MICAL1: variants seen among roughly 807,000 people sequenced by gnomAD.
MICAL1 encodes [F-actin]-monooxygenase MICAL1.
MICAL1 carries 95 observed loss-of-function variants against 131.8 expected under a neutral mutation model. The observed-to-expected ratio is 0.72, with a 90% CI of 0.61 to 0.86. MICAL1 has a LOEUF of 0.86. MICAL1 is among the 40% of genes least tolerant of loss of function. MICAL1 has a pLI of 0.00. For synonymous variants in MICAL1, 546 were observed against 554.2 expected, an observed-to-expected ratio of 0.99 and a Z score of 0.21; for missense variants, 1,292 against 1,380.6, an observed-to-expected ratio of 0.94 and a Z score of 1.02.
Position 109,446,291 on chromosome 6 carries a change from G to C in MICAL1, c.2426C>G (p.Ser809Cys). 3 of 1,614,166 alleles carry C rather than the reference G, an allele frequency of 1.9e-6. No individual in the cohort carries two copies. Among genetic ancestry groups the C allele is most frequent in the Non-Finnish European group, 2.5e-6 (3 of 1,180,028 alleles). Residue 809 changes from serine (S) to cysteine (C), a missense_variant, in exon 19 of 25, where the codon TCC (serine) becomes TGC (cysteine). By Grantham distance (112) the Ser-to-Cys change is moderately radical. Coordinates refer to ENST00000358807, the MANE Select transcript of MICAL1 (RefSeq NM_022765.4). Reference protein sequence around the residue: ...SQPTRRQIRLSSPERQRLSSL... With the variant: ...SQPTRRQIRLCSPERQRLSSL... Reference sequence around the variant, plus strand: ...GGACAACCGCTGGCGCTCCGGGCTGGAGAGGCGGATCTGCCGACGGGTGGG... The same window carrying C: ...GGACAACCGCTGGCGCTCCGGGCTGCAGAGGCGGATCTGCCGACGGGTGGG...
At position 109,453,305 on chromosome 6, in the gene MICAL1, A is replaced by C; in HGVS notation, c.529T>G (p.Trp177Gly). Residue 177 changes from tryptophan (W) to glycine (G), a missense_variant, in exon 4 of 25, where the codon TGG becomes GGG. Transcript: ENST00000358807. ...VALLLGVEIH[W>G]GVTFTGLQPP... ...TGGAGGCCAGTGAAAGTGACACCCCAGTGAATTTCCACCCCCAGCAGCAAT... is the reference window on the plus strand; with the variant it reads ...TGGAGGCCAGTGAAAGTGACACCCCCGTGAATTTCCACCCCCAGCAGCAAT... 2 of 1,614,106 alleles carry C rather than the reference A, an allele frequency of 1.2e-6. No individual in the cohort carries two copies. Among genetic ancestry groups the C allele is most frequent in the African/African-American group, 2.7e-5 (2 of 75,074 alleles).
intron 1 of MICAL1, chr6:109,465,453 T>G: frequency 1.7e-6 from 1 of 600,150 alleles, no homozygotes; most frequent in East Asian, 2.8e-5. Context: ...TTCTGCCCAG[T>G]TCAACCAAAA....
At chr6:109,452,077 T>A in intron 6 of MICAL1, 169 bp downstream of exon 6, 1 of 1,426,814 alleles carries the variant, frequency 7.0e-7, no homozygotes, top group African/African-American at 1.4e-5. Context: ...CAACTAGGGC[T>A]GTGCTTGCTT....
In MICAL1 at chr6:109,447,432, G is replaced by A. The variant is rs377017111; in HGVS notation, c.1995C>T (p.Ala665=). ...GGKKLRLEME[A]ETPSTEVPPD... is the part of the protein sequence containing the mutation. The stretch of plus-strand genomic sequence containing the variant: ...GTGGCACCTCAGTACTTGGGGTCTC[G>A]GCCTCCATCTAAGGAGGTAAGTGCT... The change falls in exon 16 of 25, where the codon GCC becomes GCT. Residue 665 remains alanine (A), a synonymous_variant. Coordinates refer to ENST00000358807, the MANE Select transcript of MICAL1 (RefSeq NM_022765.4). 143 of 1,612,324 alleles carry A rather than the reference G, an allele frequency of 8.9e-5. No individual in the cohort carries two copies. Among genetic ancestry groups the A allele is most frequent in the South Asian group, 1.7e-4 (15 of 90,864 alleles).
intron 7 of MICAL1, 92 bp downstream of exon 7, chr6:109,451,508 G>T (rs1255284023): frequency 6.7e-7 from 1 of 1,492,460 alleles, no homozygotes; most frequent in Non-Finnish European, 9.1e-7. Context: ...AGAGGACGGG[G>T]TCCCCACACC....
At chr6:109,445,573 T>C (rs1775175805) in intron 20 of MICAL1, 44 bp from the exon 21 acceptor site, 3 of 1,604,008 alleles carry the variant, frequency 1.9e-6, no homozygotes, top group Non-Finnish European at 2.6e-6. Flanking sequence ...CTGGGCCCCC[T>C]GGTGGATAGG....
chr6:109,451,553 TC>T, intron 7 of MICAL1, 46 bp downstream of exon 7: 1 of 1,609,048 alleles, frequency 6.2e-7, no homozygotes, highest in Non-Finnish European at 8.5e-7. Flanking sequence ...AGCCTCTGCC[TC>T]CCGGGGCTCA....
At position 109,452,532 on chromosome 6, in the gene MICAL1, C is replaced by T; in HGVS notation, c.655G>A (p.Gly219Arg). Reference protein sequence around the residue: ...YEFDVLISAAGGKFVPEGFKV... With the variant: ...YEFDVLISAARGKFVPEGFKV... ...TCACCTTCAGGGACGAATTTACCTC[C>T]TGCAGCCGAGATAAGGACGTCAAAT... The change falls in exon 5 of 25, where the codon GGA becomes AGA. Residue 219 changes from glycine to arginine, a missense_variant. Physicochemically the swap from Gly to Arg is moderately radical, Grantham distance 125. Coordinates refer to ENST00000358807, the MANE Select transcript of MICAL1 (RefSeq NM_022765.4). 3 of 1,614,020 alleles carry T rather than the reference C, an allele frequency of 1.9e-6. No individual in the cohort carries two copies. Among genetic ancestry groups the T allele is most frequent in the Non-Finnish European group, 2.5e-6 (3 of 1,179,936 alleles).
Position 109,450,275 on chromosome 6 carries a change from C to G in MICAL1, c.1191+25G>C, listed in dbSNP as rs757422264. On this transcript the variant is annotated intron_variant, in intron 8 of 24. Coordinates refer to ENST00000358807, the MANE Select transcript of MICAL1 (RefSeq NM_022765.4). Reference sequence around the variant, plus strand: ...GCAGCTCCCTCCCCTAACCATGAAACCCCTGTGCCTCCTGAACCCCTCACC... The same window carrying G: ...GCAGCTCCCTCCCCTAACCATGAAAGCCCTGTGCCTCCTGAACCCCTCACC... 2.0e-5 allele frequency: 32 copies of G among 1,593,992 alleles called. 1 individual carries two copies. In the South Asian group the frequency reaches 3.3e-4, roughly 17 times the overall value.
At chr6:109,446,930 G>A (rs1261870519) in intron 17 of MICAL1, 143 bp downstream of exon 17, 15 of 1,252,180 alleles carry the variant, frequency 1.2e-5, no homozygotes, top group Admixed American at 2.1e-5. Context: ...GAGCTTTGCA[G>A]GGGACAGAGA....
rs756141347 is a variant in MICAL1 at position 109,447,874 on chromosome 6, CCTTGGCCCGGGA to C, written c.1933_1944del (p.Ser645_Lys648del). ...GCTCCAGCCCTGCCTAAACTCTCCA[CCTTGGCCCGGGA>C]TCGCTGCAGGGTCCTCTGAAGTTTA... On this transcript the variant is annotated inframe_deletion and splice_region_variant, in exon 14 of 25. Coordinates refer to ENST00000358807, the MANE Select transcript of MICAL1 (RefSeq NM_022765.4). 1.9e-6 allele frequency: 3 copies of C among 1,613,222 alleles called. No homozygotes were observed. Among genetic ancestry groups the C allele is most frequent in the Non-Finnish European group, 8.5e-7 (1 of 1,179,532 alleles).
In MICAL1 at chr6:109,455,440, G is replaced by A. The variant is rs1004533754; in HGVS notation, c.-44+279C>T. Among the ~76,000 whole-genome samples, 1 of 152,184 alleles carries A rather than the reference G, an allele frequency of 6.6e-6. No individual in the cohort carries two copies. The highest frequency in any genetic ancestry group is 1.5e-5 in the Non-Finnish European group (1 of 68,032). Reference sequence around the variant, plus strand: ...AAGACCTCGGCGAAAGGGGAGAAAGGAGCGACCCAGCCTGGAAACGCCAGG... The same window carrying A: ...AAGACCTCGGCGAAAGGGGAGAAAGAAGCGACCCAGCCTGGAAACGCCAGG... On this transcript the variant is annotated intron_variant, in intron 1 of 24. Transcript: ENST00000358807. The surrounding 1 kb of genome is among the most constrained non-coding windows in gnomAD (Gnocchi z 4.7).
chr6:109,459,364 G>T (rs531805050), upstream of MICAL1, among the ~76,000 whole-genome samples: 1 of 152,312 alleles, frequency 6.6e-6, no homozygotes, highest in East Asian at 1.9e-4. Context: ...TCTTTGTCAG[G>T]AGTACAGGCA....
At position 109,453,667 on chromosome 6, in the gene MICAL1, C is replaced by T. The variant is rs1016519892; in HGVS notation, c.437G>A (p.Arg146His). 3 of 1,611,902 alleles carry T rather than the reference C, an allele frequency of 1.9e-6. No homozygotes were observed. Among genetic ancestry groups the T allele is most frequent in the Admixed American group, 1.7e-5 (1 of 59,654 alleles). ...RALGAKKFYG[R>H]FCTGTLDHIS... Reference sequence around the variant, plus strand: ...GTGGTCCAGGGTGCCGGTGCAGAAGCGCCCGTAGAACTTCTTAGCACCGAG... The same window carrying T: ...GTGGTCCAGGGTGCCGGTGCAGAAGTGCCCGTAGAACTTCTTAGCACCGAG... Residue 146 changes from arginine to histidine, a missense_variant, in exon 3 of 25, where the codon CGC becomes CAC. Transcript: ENST00000358807.
In MICAL1 at chr6:109,453,777, T is replaced by C. The variant is rs1562293637; in HGVS notation, c.327A>G (p.Arg109=). The part of the protein sequence containing the change: ...VAVELALLGA[R]VVLVEKRTKF... ...TGGTGCGCTTTTCCACCAGCACCAC[T>C]CGGGCCCCCAGCAGCGCCAGCTCCA... Residue 109 remains arginine, a synonymous_variant, in exon 3 of 25, where the codon CGA becomes CGG. Coordinates refer to ENST00000358807, the MANE Select transcript of MICAL1 (RefSeq NM_022765.4). The C allele has an allele frequency of 6.2e-7, 1 of 1,613,636 alleles. No individual in the cohort carries two copies. Among genetic ancestry groups the C allele is most frequent in the Non-Finnish European group, 8.5e-7 (1 of 1,179,996 alleles).
At chr6:109,445,944 C>T in intron 19 of MICAL1, 82 bp from the exon 20 acceptor site, 3 of 1,540,418 alleles carry the variant, frequency 1.9e-6, no homozygotes, top group South Asian at 2.4e-5. Context: ...TGACGGAGGC[C>T]CTGCAAGTCT....
Position 109,453,708 on chromosome 6 carries a change from G to T in MICAL1, c.396C>A (p.Ile132=), listed in dbSNP as rs752355415. 10 of 1,613,940 alleles carry T rather than the reference G, an allele frequency of 6.2e-6. No homozygotes were observed. Among genetic ancestry groups the T allele is most frequent in the Non-Finnish European group, 7.6e-6 (9 of 1,180,000 alleles). The part of the protein sequence containing the change: ...HNVLHLWPFT[I]HDLRALGAKK... ...TAGCACCGAGTGCCCGCAGGTCGTG[G>T]ATGGTGAAGGGCCAGAGGTGGAGCA... is the stretch of plus-strand genomic sequence containing the variant. Residue 132 remains isoleucine, a synonymous_variant, in exon 3 of 25, where the codon ATC becomes ATA. Transcript: ENST00000358807.
chr6:109,445,777 C>T lies in MICAL1; in HGVS notation c.2667G>A (p.Val889=), dbSNP rs1391375034. Residue 889 remains valine (V), a synonymous_variant, in exon 20 of 25, where the codon GTG becomes GTA. Transcript: ENST00000358807. ...EEEDVPLDSD[V]EQALQTFAKT... is the part of the protein sequence containing the mutation. ...TGCACGCTGGCCCACTCACCTGTTC[C>T]ACATCTGAGTCCAAAGGCACATCTT... is the stretch of plus-strand genomic sequence containing the variant. 2 of 1,610,778 alleles carry T rather than the reference C, an allele frequency of 1.2e-6. No homozygotes were observed. The highest frequency in any genetic ancestry group is 1.7e-6 in the Non-Finnish European group (2 of 1,178,754).
At chr6:109,448,097 G>T in intron 13 of MICAL1, 106 bp downstream of exon 13, 1 of 1,126,838 alleles carries the variant, frequency 8.9e-7, no homozygotes. Context: ...TCCTCTTTCT[G>T]ACACACACAC....
Sources: allele counts gnomAD v4.1 joint callset (sites outside exome capture counted in the v4.1 genomes callset), GRCh38; gene constraint gnomAD v4.1.1; non-coding constraint Gnocchi (gnomAD v3.1); transcripts MANE v1.5; gene names NCBI Gene and HGNC (gene_info 2026-07-23, HGNC 2026-07-21).